The following ASIC5 variants were observed in gnomAD, a reference collection of about 807,000 sequenced individuals.
The protein encoded by ASIC5 is bile acid-sensitive ion channel.
Under a neutral mutation model 51.2 loss-of-function variants are expected in ASIC5, and 52 were observed. That is an observed-to-expected ratio of 1.02 (90% CI 0.81 to 1.28). The LOEUF is 1.28. Among genes scored for constraint, ASIC5 ranks in the 50% most tolerant of loss-of-function variants. ASIC5 has a pLI of 0.00. For synonymous variants in ASIC5, 231 were observed against 200.7 expected, an observed-to-expected ratio of 1.15 and a Z score of -1.28; for missense variants, 635 against 595.0, an observed-to-expected ratio of 1.07 and a Z score of -0.70.
chr4:155,843,879 T>C, intron 4 of ASIC5, 49 bp from the exon 5 acceptor site: 1 of 1,582,678 alleles, frequency 6.3e-7, no homozygotes, highest in Non-Finnish European at 8.7e-7. Flanking sequence ...ACTATATCAG[T>C]TCTAAACAAG....
At chr4:155,850,329 G>A (rs1048897099) in intron 4 of ASIC5, among the ~76,000 whole-genome samples, 2 of 152,050 alleles carry the variant, frequency 1.3e-5, no homozygotes, top group Admixed American at 6.6e-5. Flanking sequence ...CCTGCTTCAA[G>A]TTGTCCCCAC....
chr4:155,842,576 T>A (rs940337504), intron 5 of ASIC5, among the ~76,000 whole-genome samples: 3 of 152,138 alleles, frequency 2.0e-5, no homozygotes, highest in Admixed American at 2.0e-4. Context: ...TGTGAATTAA[T>A]AAAGTCAGAC....
Position 155,842,290 on chromosome 4 carries a change from CT to C in ASIC5, c.925del (p.Ser309AlafsTer8). The C allele has an allele frequency of 6.2e-7, 1 of 1,613,528 alleles. No homozygotes were observed. Among genetic ancestry groups the C allele is most frequent in the Non-Finnish European group, 8.5e-7 (1 of 1,179,646 alleles). On this transcript the variant is annotated frameshift_variant, in exon 6 of 10. Coordinates refer to ENST00000537611, the MANE Select transcript of ASIC5 (RefSeq NM_017419.3). LOFTEE classifies it high-confidence loss of function. The stretch of plus-strand genomic sequence containing the variant: ...CTTCAAGCAACCAGAAGTGCTGTAG[CT>C]GCTAAAATTCTGCAGCTTGATGTTA... ...NPNIKLQNFS[S>X]YSTSGCLKEC...
chr4:155,855,934 G>A (rs895829228), intron 2 of ASIC5, among the ~76,000 whole-genome samples: 1 of 151,938 alleles, frequency 6.6e-6, no homozygotes, highest in Admixed American at 6.6e-5. Context: ...GCTAGGTATA[G>A]GAGAGATTGA....
Position 155,831,905 on chromosome 4 carries a change from C to T in ASIC5, c.1246G>A (p.Val416Ile), listed in dbSNP as rs1458639365. Residue 416 changes from valine to isoleucine, a missense_variant, in exon 9 of 10, where the codon GTA becomes ATA. Physicochemically the swap from Val to Ile is conservative, Grantham distance 29. Transcript: ENST00000537611. ...TCACTATAGTTAATTTCAATTTTTA[C>T]AAGATTCTCCCTAGGGATAAAAAAG... ...QSRKYIRENL[V>I]KIEINYSDLN... 1 of 1,560,296 alleles carries T rather than the reference C, an allele frequency of 6.4e-7. No individual in the cohort carries two copies. Among genetic ancestry groups the T allele is most frequent in the Admixed American group, 1.7e-5 (1 of 59,100 alleles).
At chr4:155,831,600 T>C (rs987354730) in intron 9 of ASIC5, among the ~76,000 whole-genome samples, 1 of 152,040 alleles carries the variant, frequency 6.6e-6, no homozygotes, top group Non-Finnish European at 1.5e-5. Context: ...TGAAACCCCG[T>C]CTCTACTAAA....
intron 7 of ASIC5, among the ~76,000 whole-genome samples, chr4:155,838,005 C>T (rs192533907): frequency 5.7e-4 from 87 of 152,146 alleles, no homozygotes; most frequent in Admixed American, 4.0e-3. Context: ...GTTAGTAATA[C>T]GGCTTTTGTA....
chr4:155,853,602 GTTATTATATATAATATATAATATATAAT>G (rs1741445597), intron 3 of ASIC5, among the ~76,000 whole-genome samples: 1 of 2,214 alleles, frequency 4.5e-4, no homozygotes, highest in East Asian at 0.014. Flanking sequence ...ATATATACTA[GTTATTATATATAATATATAATATATAAT>G]AATAATATAT....
At chr4:155,835,401 T>C (rs1740954688) in intron 8 of ASIC5, among the ~76,000 whole-genome samples, 1 of 115,644 alleles carries the variant, frequency 8.6e-6, no homozygotes. Flanking sequence ...TCAAGAATAA[T>C]CTGAGTTTTG....
chr4:155,842,917 C>T (rs1455893718), intron 5 of ASIC5, among the ~76,000 whole-genome samples: 1 of 152,100 alleles, frequency 6.6e-6, no homozygotes, highest in Non-Finnish European at 1.5e-5. Context: ...GTAGGTTTCC[C>T]ACCTCACAGA....
chr4:155,831,963 C>T (rs914051465), intron 8 of ASIC5, 48 bp from the exon 9 acceptor site: 4 of 980,652 alleles, frequency 4.1e-6, no homozygotes, highest in South Asian at 1.5e-5. Context: ...GTCAGCATTA[C>T]TTTTAATTCC....
Position 155,834,446 on chromosome 4 carries a change from G to T in ASIC5, c.1235+2243C>A, listed in dbSNP as rs569746693. 7.2e-5 allele frequency among the ~76,000 whole-genome samples: 11 copies of T among 152,188 alleles called. No individual in the cohort carries two copies. The East Asian group carries it at 1.9e-3, about 27-fold the overall frequency. ...AAACCAGTTGCTTAATTATATGTGTGACTTCTAACTGTCTCTGTGTGGGAG... is the reference window on the plus strand; with the variant it reads ...AAACCAGTTGCTTAATTATATGTGTTACTTCTAACTGTCTCTGTGTGGGAG... On this transcript the variant is annotated intron_variant, in intron 8 of 9. Coordinates refer to ENST00000537611, the MANE Select transcript of ASIC5 (RefSeq NM_017419.3).
intron 9 of ASIC5, among the ~76,000 whole-genome samples, 162 bp downstream of exon 9, chr4:155,831,662 T>C (rs1021470146): frequency 6.6e-6 from 1 of 152,098 alleles, no homozygotes; most frequent in Non-Finnish European, 1.5e-5. Context: ...TCCCAGCTAC[T>C]TGGGAGGCTG....
At chr4:155,833,644 C>G (rs1740918538) in intron 8 of ASIC5, among the ~76,000 whole-genome samples, 1 of 152,176 alleles carries the variant, frequency 6.6e-6, no homozygotes, top group South Asian at 2.1e-4. Context: ...CTTTGTCCCC[C>G]ATTGTGCTCC....
chr4:155,855,884 C>G (rs552185670), intron 2 of ASIC5, among the ~76,000 whole-genome samples: 2 of 151,908 alleles, frequency 1.3e-5, no homozygotes, highest in Non-Finnish European at 2.9e-5. Flanking sequence ...CTGTAGAAAA[C>G]GTCCATTAAT....
intron 8 of ASIC5, among the ~76,000 whole-genome samples, chr4:155,833,058 T>C (rs1356767656): frequency 6.6e-6 from 1 of 152,140 alleles, no homozygotes; most frequent in East Asian, 1.9e-4. Context: ...CCAATTTCCA[T>C]CCCAGTGGAC....
At chr4:155,833,761 C>T (rs1331164273) in intron 8 of ASIC5, among the ~76,000 whole-genome samples, 1 of 152,118 alleles carries the variant, frequency 6.6e-6, no homozygotes. Context: ...AAATTCTTCC[C>T]CTGCAAAAAT....
In ASIC5 at chr4:155,866,201, A is replaced by G; in HGVS notation, c.26T>C (p.Val9Ala). The G allele has an allele frequency of 1.2e-6, 2 of 1,608,488 alleles. No individual in the cohort carries two copies. The highest frequency in any genetic ancestry group is 2.2e-5 in the East Asian group (1 of 44,746). MEQTEKSK[V>A]YAENGLLEKI... is the part of the protein sequence containing the mutation. Reference sequence around the variant, plus strand: ...TCTTTACTCACCGTTCTCAGCATATACTTTTGATTTTTCTGTCTGCTCCAT... The same window carrying G: ...TCTTTACTCACCGTTCTCAGCATATGCTTTTGATTTTTCTGTCTGCTCCAT... The change falls in exon 1 of 10, where the codon GTA (valine) becomes GCA (alanine). Residue 9 changes from valine to alanine, a missense_variant. Transcript: ENST00000537611.
intron 2 of ASIC5, among the ~76,000 whole-genome samples, chr4:155,863,181 T>C (rs1224710120): frequency 6.6e-6 from 1 of 152,054 alleles, no homozygotes; most frequent in Non-Finnish European, 1.5e-5. Context: ...CCATCTCTTT[T>C]ACATCTATTT....
Sources: allele counts gnomAD v4.1 joint callset (sites outside exome capture counted in the v4.1 genomes callset), GRCh38; gene constraint gnomAD v4.1.1; transcripts MANE v1.5; gene names NCBI Gene and HGNC (gene_info 2026-07-23, HGNC 2026-07-21).